RORA: variants seen among roughly 807,000 people sequenced by gnomAD.
RORA encodes the protein nuclear receptor ROR-alpha.
In RORA, 7 loss-of-function variants were observed where a neutral mutation model predicts 69.5. The observed-to-expected ratio is 0.10, with a 90% CI of 0.06 to 0.19. The LOEUF (loss-of-function observed/expected upper bound fraction) is 0.19, where lower values mean the gene tolerates loss of function less well. Ranked by LOEUF, RORA falls within the 10% of genes least tolerant of loss-of-function variation. The pLI, the probability that RORA is intolerant of heterozygous loss-of-function variation, is 1.00. For synonymous variants in RORA, 261 were observed against 240.8 expected, an observed-to-expected ratio of 1.08 and a Z score of -0.78; for missense variants, 457 against 663.0, an observed-to-expected ratio of 0.69 and a Z score of 3.41.
intron 2 of RORA, among the ~76,000 whole-genome samples, chr15:60,579,185 A>G (rs531397736): frequency 6.6e-6 from 1 of 151,478 alleles, no homozygotes. Flanking sequence ...TTACCCACCA[A>G]TGCTTTGCAC....
intron 1 of RORA, among the ~76,000 whole-genome samples, chr15:60,886,275 TAAG>T (rs1312993291): frequency 2.6e-5 from 4 of 151,906 alleles, no homozygotes; most frequent in African/African-American, 4.8e-5. Flanking sequence ...ATGGTAAAAA[TAAG>T]AAGAAGGTTC....
At chr15:60,880,939 C>A (rs533767042) in intron 1 of RORA, among the ~76,000 whole-genome samples, 1 of 152,280 alleles carries the variant, frequency 6.6e-6, no homozygotes, top group African/African-American at 2.4e-5. Flanking sequence ...ACAAATCTTG[C>A]CACCTGACAC....
chr15:61,044,038 C>G (rs1448255826), intron 1 of RORA, among the ~76,000 whole-genome samples: 5 of 152,152 alleles, frequency 3.3e-5, no homozygotes, highest in African/African-American at 1.2e-4. Context: ...CCTCCCACCC[C>G]CTCCCTAACT....
chr15:61,055,189 C>T (rs987782061), intron 1 of RORA, among the ~76,000 whole-genome samples: 1 of 107,976 alleles, frequency 9.3e-6, no homozygotes, highest in African/African-American at 4.2e-5. Context: ...AAAGGTGCCA[C>T]TTGACCATCC....
At chr15:61,055,844 G>T (rs1325976276) in intron 1 of RORA, among the ~76,000 whole-genome samples, 2 of 152,200 alleles carry the variant, frequency 1.3e-5, no homozygotes, top group Non-Finnish European at 2.9e-5. Context: ...TTAACGTCAT[G>T]ACACTCTTCC....
chr15:61,033,244 T>C (rs1896269728), intron 1 of RORA, among the ~76,000 whole-genome samples: 1 of 152,210 alleles, frequency 6.6e-6, no homozygotes, highest in Non-Finnish European at 1.5e-5. Context: ...AGGCAAGAGC[T>C]GCCTCAGGCA....
chr15:60,754,006 C>T (rs1016021978), intron 1 of RORA, among the ~76,000 whole-genome samples: 3 of 152,196 alleles, frequency 2.0e-5, no homozygotes, highest in Admixed American at 6.5e-5. Context: ...AACACTGGTC[C>T]GTGGCTACTC....
At chr15:60,707,722 A>G (rs1366269299) in intron 1 of RORA, among the ~76,000 whole-genome samples, 1 of 152,038 alleles carries the variant, frequency 6.6e-6, no homozygotes, top group Non-Finnish European at 1.5e-5. Flanking sequence ...ACTGACATAA[A>G]TCCTCTTTTA....
At chr15:60,583,810 G>T (rs1307091963) in intron 2 of RORA, among the ~76,000 whole-genome samples, 2 of 152,176 alleles carry the variant, frequency 1.3e-5, no homozygotes, top group African/African-American at 4.8e-5. Flanking sequence ...AAAGAGAAGT[G>T]AATGGTTACC....
intron 1 of RORA, among the ~76,000 whole-genome samples, chr15:60,959,844 G>A (rs529645966): frequency 6.6e-6 from 1 of 152,198 alleles, no homozygotes; most frequent in African/African-American, 2.4e-5. Context: ...TGCCATAAAG[G>A]TTTATGGTAG....
intron 1 of RORA, among the ~76,000 whole-genome samples, chr15:61,130,988 A>C (rs555949748): frequency 6.6e-6 from 1 of 152,346 alleles, no homozygotes; most frequent in East Asian, 1.9e-4. Context: ...TCCTGACTCC[A>C]AATATAAGTC....
chr15:60,946,647 G>C (rs892687169), intron 1 of RORA, among the ~76,000 whole-genome samples: 7 of 152,318 alleles, frequency 4.6e-5, no homozygotes, highest in South Asian at 4.1e-4. Context: ...GCCTGCCTTG[G>C]CTTCCCAAAG....
intron 1 of RORA, among the ~76,000 whole-genome samples, chr15:60,831,347 G>A (rs901652254): frequency 3.3e-5 from 5 of 152,252 alleles, no homozygotes; most frequent in African/African-American, 1.2e-4. Flanking sequence ...TCACGACTCA[G>A]TGGTCACACC....
At chr15:60,823,765 AAAAT>A (rs1423941655) in intron 1 of RORA, among the ~76,000 whole-genome samples, 1 of 151,610 alleles carries the variant, frequency 6.6e-6, no homozygotes, top group African/African-American at 2.4e-5. Context: ...GAAAACACCA[AAAAT>A]AAATAAATAA....
chr15:60,686,445 A>G (rs537646149), intron 1 of RORA, among the ~76,000 whole-genome samples: 11 of 152,172 alleles, frequency 7.2e-5, no homozygotes, highest in Non-Finnish European at 1.3e-4. Context: ...TTATTTTTTC[A>G]AATTGATTTC....
chr15:60,540,564 ACC>A (rs56827621), intron 2 of RORA, among the ~76,000 whole-genome samples: 3,929 of 46,094 alleles, frequency 0.085, 622 homozygotes, highest in African/African-American at 0.2. Context: ...AATTTCCATG[ACC>A]CCCCCCCCCC....
chr15:60,835,346 G>A (rs964283658), intron 1 of RORA, among the ~76,000 whole-genome samples: 6 of 152,190 alleles, frequency 3.9e-5, no homozygotes, highest in African/African-American at 1.4e-4. Flanking sequence ...ATCTCTCTGG[G>A]TTGCTGGTGT....
At chr15:61,110,287 T>C (rs1008445714) in intron 1 of RORA, among the ~76,000 whole-genome samples, 1 of 151,712 alleles carries the variant, frequency 6.6e-6, no homozygotes, top group Non-Finnish European at 1.5e-5. Flanking sequence ...TCCCAGATAC[T>C]AGGGAGGCTG....
At chr15:60,572,655 CAAAATA>C (rs2067916159) in intron 2 of RORA, among the ~76,000 whole-genome samples, 1 of 152,194 alleles carries the variant, frequency 6.6e-6, no homozygotes, top group African/African-American at 2.4e-5. Flanking sequence ...TTAACAACCT[CAAAATA>C]ATCCAATGTG....
Sources: gnomAD v4.1 joint callset for allele counts (sites outside exome capture counted in the v4.1 genomes callset) on GRCh38, gnomAD v4.1.1 for gene constraint, MANE v1.5 for transcripts, NCBI Gene and HGNC (gene_info 2026-07-23, HGNC 2026-07-21) for gene names.